IMMP2L: variants seen among roughly 807,000 people sequenced by gnomAD.
The protein encoded by IMMP2L is mitochondrial inner membrane protease subunit 2.
Under a neutral mutation model 19.3 loss-of-function variants are expected in IMMP2L, and 18 were observed. That is an observed-to-expected ratio of 0.93 (90% CI 0.64 to 1.38). The LOEUF (loss-of-function observed/expected upper bound fraction) is 1.38. Among genes scored for constraint, IMMP2L ranks in the 40% most tolerant of loss-of-function variants. The probability of loss-of-function intolerance (pLI) is 0.00; values close to 1 mark genes in which losing one functional copy is unlikely to be tolerated. For synonymous variants in IMMP2L, 76 were observed against 73.0 expected (o/e 1.04, Z -0.21); for missense variants, 233 against 218.2 (o/e 1.07, Z -0.43).
chr7:111,257,401 A>C (rs765124838), intron 3 of IMMP2L, among the ~76,000 whole-genome samples: 8 of 152,180 alleles, frequency 5.3e-5, no homozygotes, highest in Non-Finnish European at 1.0e-4. Context: ...TTAAACATGC[A>C]ATTGCAAGTT....
At chr7:111,450,163 C>G (rs1340722524) in intron 3 of IMMP2L, among the ~76,000 whole-genome samples, 1 of 151,418 alleles carries the variant, frequency 6.6e-6, no homozygotes, top group Non-Finnish European at 1.5e-5. Flanking sequence ...TCAATGCCAC[C>G]CCCATCAAGC....
At chr7:110,771,258 A>G (rs913842624) in intron 5 of IMMP2L, among the ~76,000 whole-genome samples, 3 of 152,144 alleles carry the variant, frequency 2.0e-5, no homozygotes, top group Admixed American at 6.6e-5. Flanking sequence ...GGATCAAGTC[A>G]CACGTTAGTG....
intron 5 of IMMP2L, among the ~76,000 whole-genome samples, chr7:110,782,332 T>C (rs1266308166): frequency 6.6e-6 from 1 of 151,794 alleles, no homozygotes; most frequent in South Asian, 2.1e-4. Context: ...GGGGAAAAAA[T>C]AAACAAACAG....
chr7:110,833,436 T>C (rs1299610662), intron 5 of IMMP2L, among the ~76,000 whole-genome samples: 4 of 74,318 alleles, frequency 5.4e-5, no homozygotes, highest in African/African-American at 2.0e-4. Context: ...TGAAACTTCG[T>C]CTCAAAAAAA....
At chr7:110,816,485 C>A (rs1562995039) in intron 5 of IMMP2L, among the ~76,000 whole-genome samples, 1 of 151,636 alleles carries the variant, frequency 6.6e-6, no homozygotes, top group Non-Finnish European at 1.5e-5. Context: ...ATTAGGTCTG[C>A]TTGGTGCAGA....
chr7:111,153,735 G>A (rs967391259), intron 3 of IMMP2L, among the ~76,000 whole-genome samples: 1 of 151,952 alleles, frequency 6.6e-6, no homozygotes, highest in African/African-American at 2.4e-5. Flanking sequence ...TTTCTTTATG[G>A]TAGTAGTACA....
At chr7:111,480,415 T>C (rs1842079640) in intron 3 of IMMP2L, among the ~76,000 whole-genome samples, 1 of 151,918 alleles carries the variant, frequency 6.6e-6, no homozygotes, top group Non-Finnish European at 1.5e-5. Context: ...ATGAACAGCA[T>C]TTAAAAATCA....
chr7:111,223,396 A>G (rs925722449), intron 3 of IMMP2L, among the ~76,000 whole-genome samples: 1 of 152,086 alleles, frequency 6.6e-6, no homozygotes, highest in Admixed American at 6.6e-5. Context: ...TAACAAATTA[A>G]GAAAAATTAT....
chr7:110,762,981 T>C (rs1308185417), intron 5 of IMMP2L, among the ~76,000 whole-genome samples: 3 of 152,136 alleles, frequency 2.0e-5, no homozygotes, highest in Non-Finnish European at 1.5e-5. Flanking sequence ...CTATATGTAA[T>C]AAAACCATCC....
intron 3 of IMMP2L, among the ~76,000 whole-genome samples, chr7:111,051,512 A>C (rs972694789): frequency 3.3e-5 from 5 of 152,048 alleles, no homozygotes; most frequent in African/African-American, 1.2e-4. Context: ...TTTGATAAAA[A>C]CTCTTTATAA....
intron 5 of IMMP2L, among the ~76,000 whole-genome samples, chr7:110,805,140 G>A (rs7807591): frequency 0.039 from 5,983 of 152,108 alleles, 366 homozygotes; most frequent in African/African-American, 0.13. Flanking sequence ...GTAGATGAGT[G>A]ACTCAAAAGT....
chr7:110,939,268 T>C (rs1816449208), intron 4 of IMMP2L, among the ~76,000 whole-genome samples: 2 of 152,042 alleles, frequency 1.3e-5, no homozygotes, highest in South Asian at 4.2e-4. Context: ...CTGGGCTGCA[T>C]TCCTGGGTGT....
intron 3 of IMMP2L, among the ~76,000 whole-genome samples, chr7:111,084,119 G>A (rs886742147): frequency 6.6e-6 from 1 of 151,986 alleles, no homozygotes; most frequent in African/African-American, 2.4e-5. Flanking sequence ...TGGAAGCAGG[G>A]AAGTTAGGAG....
At chr7:111,269,831 T>C (rs927541805) in intron 3 of IMMP2L, among the ~76,000 whole-genome samples, 1 of 152,068 alleles carries the variant, frequency 6.6e-6, no homozygotes, top group Non-Finnish European at 1.5e-5. Flanking sequence ...CAAAATCCAC[T>C]CAGAAATTTT....
chr7:110,748,592 C>A (rs1797516083), intron 5 of IMMP2L, among the ~76,000 whole-genome samples: 1 of 152,070 alleles, frequency 6.6e-6, no homozygotes. Flanking sequence ...AGAAATAATG[C>A]CACACATACA....
chr7:111,082,307 T>G (rs1375337858), intron 3 of IMMP2L, among the ~76,000 whole-genome samples: 1 of 152,226 alleles, frequency 6.6e-6, no homozygotes, highest in Non-Finnish European at 1.5e-5. Flanking sequence ...GAACATCTGC[T>G]TTTCTTATTT....
Position 110,924,907 on chromosome 7 carries a change from G to C in IMMP2L, c.306-38212C>G, listed in dbSNP as rs1320061655. Among the ~76,000 whole-genome samples the C allele has an allele frequency of 6.6e-6, 1 of 152,068 alleles. No individual in the cohort carries two copies. The highest frequency in any genetic ancestry group is 1.5e-5 in the Non-Finnish European group (1 of 67,992). ...CAAGAAAATGGTATATTCAAAAAAG[G>C]TTATTTTCTGTTAAGAGAAAGATAA... On this transcript the variant is annotated intron_variant, in intron 4 of 5. Coordinates refer to ENST00000405709, the MANE Select transcript of IMMP2L (RefSeq NM_032549.4). This position sits in a 1 kb window ranked among gnomAD's most constrained non-coding sequence, Gnocchi z 4.2.
At chr7:110,749,375 C>T (rs1263522161) in intron 5 of IMMP2L, among the ~76,000 whole-genome samples, 1 of 152,068 alleles carries the variant, frequency 6.6e-6, no homozygotes. Flanking sequence ...TACCATTTGA[C>T]CCAGCAATCT....
At chr7:110,896,291 C>G (rs1585177356) in intron 4 of IMMP2L, among the ~76,000 whole-genome samples, 1 of 152,026 alleles carries the variant, frequency 6.6e-6, no homozygotes, top group Non-Finnish European at 1.5e-5. Flanking sequence ...TTAGTTTTTG[C>G]TAAAATGATG....
Sources: gnomAD v4.1 joint callset for allele counts (sites outside exome capture counted in the v4.1 genomes callset) on GRCh38, gnomAD v4.1.1 for gene constraint, Gnocchi (gnomAD v3.1) non-coding constraint, MANE v1.5 for transcripts, NCBI Gene and HGNC (gene_info 2026-07-23, HGNC 2026-07-21) for gene names.